Variants in ZNF438 observed in about 807,000 individuals in gnomAD.
ZNF438 encodes the protein zinc finger protein 438.
A neutral mutation model predicts 38.0 loss-of-function variants in ZNF438; 25 were observed. The ratio of observed to expected loss-of-function variants is 0.66; its 90% confidence interval spans 0.48 to 0.92. The LOEUF is 0.92. Among genes scored for constraint, ZNF438 ranks in the 40% least tolerant of loss-of-function variants. ZNF438 has a pLI of 0.00. For synonymous variants in ZNF438, 372 were observed against 364.1 expected, an observed-to-expected ratio of 1.02 and a Z score of -0.25; for missense variants, 1,007 against 999.6, an observed-to-expected ratio of 1.01 and a Z score of -0.10.
intron 1 of ZNF438, among the ~76,000 whole-genome samples, chr10:30,954,673 G>GA (rs58392345): frequency 2.6e-5 from 4 of 151,880 alleles, no homozygotes; most frequent in Admixed American, 2.0e-4. Context: ...CAGTATGAAA[G>GA]AAAAAAAATG....
intron 4 of ZNF438, among the ~76,000 whole-genome samples, chr10:30,866,697 G>T (rs2036488348): frequency 6.6e-6 from 1 of 152,100 alleles, no homozygotes. Context: ...AGCCGAGCGT[G>T]GTGACAGGCA....
At chr10:30,845,080 C>T (rs1291268220) in exon 6 of ZNF438, 1 of 1,614,040 alleles carries the variant, frequency 6.2e-7, no homozygotes, top group Non-Finnish European at 8.5e-7. Flanking sequence ...TGGAGGAGGT[C>T]CTCTTTCCGT....
In ZNF438 at chr10:30,976,986, T is replaced by C. The variant is rs116079783; in HGVS notation, c.-191-35335A>G. ...TAGGTATCTCATAAAGAAAACTTCT[T>C]TAAAAAGGTCTGTGTAACTTTACGA... On this transcript the variant is annotated intron_variant, in intron 1 of 5. Coordinates refer to ENST00000413025, the Ensembl canonical transcript of ZNF438. Among the ~76,000 whole-genome samples, 609 of 152,202 alleles carry C rather than the reference T, an allele frequency of 4.0e-3. 3 individuals are homozygous for C. Among genetic ancestry groups the C allele is most frequent in the Middle Eastern group, 0.017 (5 of 294 alleles).
At chr10:31,016,688 C>T (rs1589735716) in intron 1 of ZNF438, among the ~76,000 whole-genome samples, 1 of 152,210 alleles carries the variant, frequency 6.6e-6, no homozygotes, top group South Asian at 2.1e-4. Context: ...ATATGACTAA[C>T]AAGCCTCTTT....
chr10:30,847,297 T>C (rs1257779659), intron 5 of ZNF438, among the ~76,000 whole-genome samples: 1 of 152,020 alleles, frequency 6.6e-6, no homozygotes, highest in Non-Finnish European at 1.5e-5. Flanking sequence ...CTGAGGCACA[T>C]AAAAGCCCCG....
At chr10:30,854,348 T>C (rs2034239892) in intron 4 of ZNF438, among the ~76,000 whole-genome samples, 2 of 152,160 alleles carry the variant, frequency 1.3e-5, no homozygotes, top group Admixed American at 6.5e-5. Context: ...GTATCACATA[T>C]ACTGCCTGGC....
At chr10:30,950,798 C>G (rs1436171273) in intron 1 of ZNF438, among the ~76,000 whole-genome samples, 2 of 116,716 alleles carry the variant, frequency 1.7e-5, no homozygotes, top group African/African-American at 7.1e-5. Context: ...GATGGATTCA[C>G]AGCTGAATTC....
intron 2 of ZNF438, among the ~76,000 whole-genome samples, chr10:30,932,153 A>G (rs1184330543): frequency 6.6e-6 from 1 of 152,198 alleles, no homozygotes; most frequent in Non-Finnish European, 1.5e-5. Context: ...TCAAGTGCAT[A>G]TAGGGGCCAG....
chr10:30,970,105 T>TACACACAC lies in ZNF438; in HGVS notation c.-191-28462_-191-28455dup, dbSNP rs55745286. Among the ~76,000 whole-genome samples, 26 of 145,220 alleles carry TACACACAC rather than the reference T, an allele frequency of 1.8e-4. 1 individual carries two copies. The highest frequency in any genetic ancestry group is 5.8e-4 in the African/African-American group (23 of 39,408). ...TTCAGCCAGAAGAAATGCTGGCTGA[T>TACACACAC]ACACACACACACACACACACACACA... On this transcript the variant is annotated intron_variant, in intron 1 of 5. Transcript: ENST00000413025.
At chr10:30,874,102 G>A (rs2037941478) in intron 4 of ZNF438, among the ~76,000 whole-genome samples, 1 of 15,250 alleles carries the variant, frequency 6.6e-5, no homozygotes, top group Non-Finnish European at 1.3e-4. Flanking sequence ...GGGTGTGTGG[G>A]GGTGTGTGTG....
At chr10:30,883,703 T>C (rs2039573085) in intron 3 of ZNF438, among the ~76,000 whole-genome samples, 1 of 152,038 alleles carries the variant, frequency 6.6e-6, no homozygotes, top group Admixed American at 6.6e-5. Context: ...AACCCATCTC[T>C]ACAAAAAATA....
chr10:30,855,223 T>C (rs1031083778), intron 4 of ZNF438, among the ~76,000 whole-genome samples: 1 of 152,196 alleles, frequency 6.6e-6, no homozygotes, highest in Non-Finnish European at 1.5e-5. Flanking sequence ...CTGAGCTCTG[T>C]CCTGGCTGCG....
chr10:30,909,435 A>T (rs1055285031), intron 2 of ZNF438, among the ~76,000 whole-genome samples: 5 of 152,192 alleles, frequency 3.3e-5, no homozygotes, highest in African/African-American at 1.2e-4. Context: ...TTCTAACTGA[A>T]TAAAACACAG....
chr10:30,956,494 A>G (rs963693221), intron 1 of ZNF438, among the ~76,000 whole-genome samples: 3 of 152,158 alleles, frequency 2.0e-5, no homozygotes, highest in Admixed American at 2.0e-4. Flanking sequence ...TGTACCATAG[A>G]ACACCAGAAC....
intron 4 of ZNF438, among the ~76,000 whole-genome samples, chr10:30,855,293 G>A (rs77052177): frequency 0.053 from 8,138 of 152,190 alleles, 688 homozygotes; most frequent in African/African-American, 0.18. Context: ...CCAGACGACT[G>A]GTATGATGTC....
At chr10:30,918,975 G>C (rs1300525885) in intron 2 of ZNF438, 1 of 152,182 alleles carries the variant, frequency 6.6e-6, no homozygotes, top group African/African-American at 2.4e-5. Flanking sequence ...CAAGTATTTA[G>C]CTTTCATTTT....
chr10:30,977,069 C>T lies in ZNF438; in HGVS notation c.-191-35418G>A, dbSNP rs114925327. ...CATAAAAATCTAGAAAAGCAGAATGCCATATATTAACATCATTCTATTATT... is the reference window on the plus strand; with the variant it reads ...CATAAAAATCTAGAAAAGCAGAATGTCATATATTAACATCATTCTATTATT... On this transcript the variant is annotated intron_variant, in intron 1 of 5. Transcript: ENST00000413025. Among the ~76,000 whole-genome samples, 888 of 152,140 alleles carry T rather than the reference C, an allele frequency of 5.8e-3. 9 individuals carry two copies. Among genetic ancestry groups the T allele is most frequent in the African/African-American group, 0.021 (856 of 41,506 alleles).
intron 4 of ZNF438, among the ~76,000 whole-genome samples, chr10:30,876,567 A>G (rs1010559667): frequency 1.3e-5 from 2 of 152,258 alleles, no homozygotes; most frequent in African/African-American, 4.8e-5. Flanking sequence ...AAAGAAATGT[A>G]TACACAAATT....
intron 3 of ZNF438, among the ~76,000 whole-genome samples, chr10:30,877,807 C>T (rs1384401029): frequency 4.6e-5 from 7 of 152,012 alleles, no homozygotes; most frequent in African/African-American, 1.4e-4. Context: ...TTTATAAGTT[C>T]TTAAACAAAA....
Sources: gnomAD v4.1 joint callset for allele counts (sites outside exome capture counted in the v4.1 genomes callset) on GRCh38, gnomAD v4.1.1 for gene constraint, MANE v1.5 for transcripts, NCBI Gene and HGNC (gene_info 2026-07-23, HGNC 2026-07-21) for gene names.